Variants in MEI1 observed in about 807,000 individuals in gnomAD.
MEI1 encodes the protein meiotic double-stranded break formation protein 1.
In MEI1, 103 loss-of-function variants were observed where a neutral mutation model predicts 146.2. The ratio of observed to expected loss-of-function variants is 0.70; its 90% confidence interval spans 0.60 to 0.83. The LOEUF (loss-of-function observed/expected upper bound fraction) is 0.83, where lower values mean the gene tolerates loss of function less well. Ranked by LOEUF, MEI1 falls within the 40% of genes least tolerant of loss-of-function variation. The probability of loss-of-function intolerance (pLI) is 0.00; values close to 1 mark genes in which losing one functional copy is unlikely to be tolerated. For missense variants in MEI1, 1,529 were observed against 1,533.0 expected (o/e 1.00, Z 0.04); for synonymous variants, 652 against 628.2 (o/e 1.04, Z -0.57).
intron 1 of MEI1, 142 bp from the exon 2 acceptor site, chr22:41,703,189 C>A: frequency 1.2e-6 from 1 of 853,350 alleles, no homozygotes; most frequent in Non-Finnish European, 1.8e-6. Context: ...CTTTTCCAAC[C>A]TCCCTTGAAG....
At chr22:41,707,686 T>C (rs1569144872) in intron 3 of MEI1, among the ~76,000 whole-genome samples, 1 of 151,880 alleles carries the variant, frequency 6.6e-6, no homozygotes, top group Non-Finnish European at 1.5e-5. Context: ...TGGGAAGACT[T>C]ATATGAATGG....
intron 17 of MEI1, among the ~76,000 whole-genome samples, chr22:41,757,787 G>A (rs914390050): frequency 4.6e-5 from 7 of 152,132 alleles, no homozygotes; most frequent in Non-Finnish European, 4.4e-5. Context: ...TGGAGGTAGG[G>A]CCTGGGTCTC....
chr22:41,726,086 T>C (rs923078061), intron 7 of MEI1, among the ~76,000 whole-genome samples: 9 of 152,138 alleles, frequency 5.9e-5, no homozygotes, highest in Non-Finnish European at 1.3e-4. Context: ...GAGACCAGCC[T>C]GGTCAACATG....
intron 26 of MEI1, among the ~76,000 whole-genome samples, chr22:41,786,703 G>C (rs536279635): frequency 6.6e-6 from 1 of 152,328 alleles, no homozygotes; most frequent in African/African-American, 2.4e-5. Flanking sequence ...CTCTCCTGGA[G>C]GCCAGAGCAT....
intron 18 of MEI1, among the ~76,000 whole-genome samples, chr22:41,760,410 TAGAC>T: frequency 6.7e-6 from 1 of 148,434 alleles, no homozygotes; most frequent in Non-Finnish European, 1.5e-5. Flanking sequence ...TGGGGAGGCT[TAGAC>T]AGGAGAATTG....
rs567971762 is a variant in MEI1 at position 41,767,118 on chromosome 22, G to A, written c.2269-3568G>A. Among the ~76,000 whole-genome samples the A allele has an allele frequency of 3.3e-5, 5 of 152,278 alleles. No homozygotes were observed. In the South Asian group the frequency reaches 6.2e-4, roughly 19 times the overall value. On this transcript the variant is annotated intron_variant, in intron 19 of 30. Transcript: ENST00000401548. ...TGCAAGGGGCACCTTCAGGAGGCTC[G>A]TGGACGTCTTCCCCATAAAATTTGC...
intron 26 of MEI1, among the ~76,000 whole-genome samples, chr22:41,787,664 C>T (rs1005499331): frequency 6.6e-6 from 1 of 152,156 alleles, no homozygotes; most frequent in Non-Finnish European, 1.5e-5. Context: ...CCTAATGTTT[C>T]TAAAAGCGCT....
At chr22:41,749,627 A>G (rs1354559094) in intron 15 of MEI1, among the ~76,000 whole-genome samples, 1 of 152,174 alleles carries the variant, frequency 6.6e-6, no homozygotes, top group Non-Finnish European at 1.5e-5. Flanking sequence ...GAAGTGGAGT[A>G]ACATGTTCAG....
At chr22:41,703,226 T>C (rs2068844215) in intron 1 of MEI1, 105 bp from the exon 2 acceptor site, 21 of 1,280,150 alleles carry the variant, frequency 1.6e-5, no homozygotes, top group Non-Finnish European at 2.1e-5. Context: ...GTAGTTTAAA[T>C]GATCCCTTGT....
chr22:41,766,399 T>G (rs1245334808), intron 19 of MEI1, among the ~76,000 whole-genome samples: 1 of 146,198 alleles, frequency 6.8e-6, no homozygotes, highest in Non-Finnish European at 1.5e-5. Context: ...CTCGAACTCC[T>G]GACCTTCTGA....
intron 14 of MEI1, among the ~76,000 whole-genome samples, chr22:41,747,043 TAC>T (rs2073350067): frequency 9.2e-6 from 1 of 109,020 alleles, no homozygotes; most frequent in Non-Finnish European, 2.3e-5. Flanking sequence ...GAGCATATAT[TAC>T]TTTTATAATA....
At chr22:41,765,871 T>C (rs926089473) in intron 19 of MEI1, among the ~76,000 whole-genome samples, 2 of 149,962 alleles carry the variant, frequency 1.3e-5, no homozygotes, top group Non-Finnish European at 3.0e-5. Flanking sequence ...AATTTCACTA[T>C]ACCAAAATGT....
intron 6 of MEI1, 133 bp downstream of exon 6, chr22:41,718,407 A>G (rs886749348): frequency 3.6e-5 from 27 of 747,810 alleles, no homozygotes; most frequent in Non-Finnish European, 5.2e-5. Flanking sequence ...GGCTTGAGAG[A>G]TAAGAGACAC....
intron 11 of MEI1, among the ~76,000 whole-genome samples, chr22:41,739,255 A>G (rs979931612): frequency 5.3e-5 from 8 of 152,074 alleles, no homozygotes; most frequent in African/African-American, 1.9e-4. Context: ...ATTAGCTCAC[A>G]TTTTTTGTCT....
At chr22:41,780,846 A>T (rs944357955) in intron 22 of MEI1, among the ~76,000 whole-genome samples, 2 of 151,894 alleles carry the variant, frequency 1.3e-5, no homozygotes, top group African/African-American at 2.4e-5. Flanking sequence ...CTGCCTCCCA[A>T]AGTGTTGGGA....
At chr22:41,711,442 A>G (rs2069559168) in intron 3 of MEI1, among the ~76,000 whole-genome samples, 3 of 152,094 alleles carry the variant, frequency 2.0e-5, no homozygotes, top group Admixed American at 1.3e-4. Flanking sequence ...ATTTTCCTTC[A>G]TCATTTTCCT....
rs1289437090 is a variant in MEI1 at position 41,795,902 on chromosome 22, G to T, written c.3779+55G>T. On this transcript the variant is annotated intron_variant, in intron 30 of 30. Transcript: ENST00000401548. The surrounding 1 kb of genome is among the most constrained non-coding windows in gnomAD (Gnocchi z 4.2). ...GATGCCAAATCACTGGGTGTTTGGG[G>T]CTTCTCTTCCTGGGCCAGTTTATGC... 6.2e-7 allele frequency: 1 copy of T among 1,612,668 alleles called. No individual in the cohort carries two copies. Among genetic ancestry groups the T allele is most frequent in the Non-Finnish European group, 8.5e-7 (1 of 1,179,368 alleles).
chr22:41,715,637 C>T (rs1477008198), intron 4 of MEI1, among the ~76,000 whole-genome samples: 2 of 151,990 alleles, frequency 1.3e-5, no homozygotes, highest in Admixed American at 6.6e-5. Flanking sequence ...CCTCGTGATC[C>T]GCCCGCCTCG....
At chr22:41,705,192 T>TC (rs371427254) in intron 2 of MEI1, among the ~76,000 whole-genome samples, 35 of 151,364 alleles carry the variant, frequency 2.3e-4, no homozygotes, top group African/African-American at 7.8e-4. Context: ...TTTTTTTTTT[T>TC]CTTGAGACAG....
Sources: allele counts gnomAD v4.1 joint callset (sites outside exome capture counted in the v4.1 genomes callset), GRCh38; gene constraint gnomAD v4.1.1; non-coding constraint Gnocchi (gnomAD v3.1); transcripts MANE v1.5; gene names NCBI Gene and HGNC (gene_info 2026-07-23, HGNC 2026-07-21).